WFDC1: variants seen among roughly 807,000 people sequenced by gnomAD.
The protein encoded by WFDC1 is WAP four-disulfide core domain 1, also known as WAP four-disulfide core domain protein 1.
Under a neutral mutation model 32.9 loss-of-function variants are expected in WFDC1, and 39 were observed. That is an observed-to-expected ratio of 1.19 (90% confidence interval 0.92 to 1.55). The LOEUF is 1.55. WFDC1 is among the 40% of genes most tolerant of loss of function. The probability of loss-of-function intolerance (pLI) is 0.00; values close to 1 mark genes in which losing one functional copy is unlikely to be tolerated. For synonymous variants in WFDC1, 184 were observed against 137.4 expected (o/e 1.34, Z -2.37); for missense variants, 386 against 309.5 (o/e 1.25, Z -1.85).
At chr16:84,316,763 A>C (rs1907974219) in intron 2 of WFDC1, 1 of 152,158 alleles carries the variant, frequency 6.6e-6, no homozygotes, top group South Asian at 2.1e-4. Context: ...AGATCACCTG[A>C]GGTCAGGAGT....
chr16:84,302,472 C>T (rs1474149099), intron 1 of WFDC1, among the ~76,000 whole-genome samples: 1 of 152,116 alleles, frequency 6.6e-6, no homozygotes, highest in African/African-American at 2.4e-5. Flanking sequence ...CCTCTGTGTC[C>T]CCAGCACCGA....
rs769880754 is a variant in WFDC1, at chr16:84,324,479, C to G, written c.604+19C>G. 6.2e-7 allele frequency: 1 copy of G among 1,610,686 alleles called. No individual in the cohort carries two copies. Among genetic ancestry groups the G allele is most frequent in the Non-Finnish European group, 8.5e-7 (1 of 1,178,488 alleles). On this transcript the variant is annotated intron_variant, in intron 5 of 6. Transcript: ENST00000219454. ...TATCCAGGTAAAAGAAGAAACTGTT[C>G]TTTCTTTCCAGAGGGCACAAAAAAA...
chr16:84,323,149 G>T (rs754903727), intron 4 of WFDC1, among the ~76,000 whole-genome samples: 4 of 152,192 alleles, frequency 2.6e-5, no homozygotes, highest in African/African-American at 9.7e-5. Context: ...TATTGCTGCA[G>T]TTGCTGATCA....
chr16:84,320,748 C>T (rs1015423644), intron 4 of WFDC1, among the ~76,000 whole-genome samples: 5 of 152,144 alleles, frequency 3.3e-5, no homozygotes, highest in African/African-American at 4.8e-5. Context: ...CCCCTGTCCC[C>T]GCTTCGGCAT....
chr16:84,315,261 C>A (rs7187862), intron 2 of WFDC1, among the ~76,000 whole-genome samples: 19,879 of 152,218 alleles, frequency 0.13, 1,477 homozygotes, highest in African/African-American at 0.15. Flanking sequence ...TTCCCTCTCT[C>A]AATGACAGCC....
Position 84,329,466 on chromosome 16 carries a change from G to C in WFDC1, c.*160G>C, listed in dbSNP as rs999304327. On this transcript the variant is annotated 3_prime_UTR_variant, in exon 7 of 7. Transcript: ENST00000219454. ...ACAGGACACCTGGCCATCAAACCCAGTTTGGCCCAGCCTGGTTGGGTGACT... is the reference window on the plus strand; with the variant it reads ...ACAGGACACCTGGCCATCAAACCCACTTTGGCCCAGCCTGGTTGGGTGACT... The C allele has an allele frequency of 2.6e-5, 4 of 152,144 alleles. No individual in the cohort carries two copies. The highest frequency in any genetic ancestry group is 4.4e-5 in the Non-Finnish European group (3 of 68,038). The allele number at this position is 152,144 out of a possible 1,614,324, so 9.4% of individuals were successfully genotyped here. A position where few individuals can be genotyped will look rare whatever the true frequency, so the allele number is the denominator to read the frequency against.
chr16:84,305,864 G>A lies in WFDC1; in HGVS notation c.145-7097G>A, dbSNP rs60727711. On this transcript the variant is annotated intron_variant, in intron 1 of 6. Coordinates refer to ENST00000219454, the MANE Select transcript of WFDC1 (RefSeq NM_021197.4). The stretch of plus-strand genomic sequence containing the variant: ...TAAAAATACAAAATATTAGCCAGGC[G>A]TGGTGGCGGGCACCTGTAGTCCCAG... Among the ~76,000 whole-genome samples, 103 of 152,172 alleles carry A rather than the reference G, an allele frequency of 6.8e-4. 2 individuals are homozygous for A. In the East Asian group the frequency reaches 0.018, roughly 26 times the overall value.
chr16:84,297,462 A>G (rs988679374), intron 1 of WFDC1, among the ~76,000 whole-genome samples: 11 of 152,098 alleles, frequency 7.2e-5, no homozygotes, highest in African/African-American at 2.7e-4. Context: ...TACTAAAAAT[A>G]CAAAATTAGC....
chr16:84,311,737 A>G (rs896085011), intron 1 of WFDC1, among the ~76,000 whole-genome samples: 11 of 113,426 alleles, frequency 9.7e-5, no homozygotes, highest in African/African-American at 3.4e-4. Flanking sequence ...GGGTTTCGCT[A>G]TGTTGGCCAG....
At chr16:84,315,134 C>T (rs1019502837) in intron 2 of WFDC1, among the ~76,000 whole-genome samples, 1 of 152,214 alleles carries the variant, frequency 6.6e-6, no homozygotes, top group Non-Finnish European at 1.5e-5. Context: ...CCTGCCCTGG[C>T]ACCTGTACCC....
At chr16:84,304,486 C>T (rs1012486436) in intron 1 of WFDC1, among the ~76,000 whole-genome samples, 10 of 152,160 alleles carry the variant, frequency 6.6e-5, no homozygotes, top group African/African-American at 1.9e-4. Context: ...CCTTGGCCTC[C>T]CAAAGTGCTG....
At position 84,329,589 on chromosome 16, in the gene WFDC1, A is replaced by G. The variant is rs4557; in HGVS notation, c.*283A>G. The G allele has an allele frequency of 0.67, 102,459 of 151,916 alleles. 34,918 individuals are homozygous for G. The highest frequency in any genetic ancestry group is 0.91 in the East Asian group (4,710 of 5,150). 9.4% of individuals were successfully genotyped at this position (151,916 alleles called of 1,614,324 possible). A position where few individuals can be genotyped will look rare whatever the true frequency, so the allele number is the denominator to read the frequency against. On this transcript the variant is annotated 3_prime_UTR_variant, in exon 7 of 7. Coordinates refer to ENST00000219454, the MANE Select transcript of WFDC1 (RefSeq NM_021197.4). Reference sequence around the variant, plus strand: ...ACCTTTACCCCGGGAAGAAGCCGCCACCCATGAAAGCATTTCTGAAGCCCC... The same window carrying G: ...ACCTTTACCCCGGGAAGAAGCCGCCGCCCATGAAAGCATTTCTGAAGCCCC...
chr16:84,310,286 A>T (rs1907535494), intron 1 of WFDC1, among the ~76,000 whole-genome samples: 2 of 151,908 alleles, frequency 1.3e-5, no homozygotes, highest in African/African-American at 2.4e-5. Context: ...CGCTGATTTG[A>T]GTCTCGGGGA....
chr16:84,299,653 T>C (rs1177290513), intron 1 of WFDC1, among the ~76,000 whole-genome samples: 3 of 152,236 alleles, frequency 2.0e-5, no homozygotes, highest in Admixed American at 2.0e-4. Context: ...GTGGGGCCCA[T>C]GGCAGCCACC....
intron 2 of WFDC1, among the ~76,000 whole-genome samples, chr16:84,314,078 C>T (rs1032320676): frequency 2.0e-5 from 3 of 151,998 alleles, no homozygotes; most frequent in Admixed American, 6.6e-5. Flanking sequence ...GAAAAGACAA[C>T]GTGCAGCTCA....
chr16:84,308,504 A>C (rs1392721250), intron 1 of WFDC1, among the ~76,000 whole-genome samples: 1 of 152,220 alleles, frequency 6.6e-6, no homozygotes, highest in East Asian at 1.9e-4. Context: ...CTGCCCTCAG[A>C]AGGCTGTTTA....
intron 1 of WFDC1, among the ~76,000 whole-genome samples, chr16:84,296,696 G>A (rs1179304457): frequency 6.6e-6 from 1 of 152,186 alleles, no homozygotes; most frequent in Non-Finnish European, 1.5e-5. Context: ...AGAGTGACAT[G>A]ATGAGGCGCT....
At chr16:84,326,000 A>T (rs1008324934) in intron 5 of WFDC1, 1 of 151,168 alleles carries the variant, frequency 6.6e-6, no homozygotes, top group African/African-American at 2.4e-5. Context: ...GTATCCATTC[A>T]TCCATCCACC....
At chr16:84,308,190 T>G (rs1489416101) in intron 1 of WFDC1, among the ~76,000 whole-genome samples, 1 of 152,114 alleles carries the variant, frequency 6.6e-6, no homozygotes, top group Non-Finnish European at 1.5e-5. Context: ...TCCTGCTCTC[T>G]GCCCCTCATG....
Sources: gnomAD v4.1 joint callset for allele counts (sites outside exome capture counted in the v4.1 genomes callset) on GRCh38, gnomAD v4.1.1 for gene constraint, MANE v1.5 for transcripts, NCBI Gene and HGNC (gene_info 2026-07-23, HGNC 2026-07-21) for gene names.